The following GALNTL6 variants were observed in gnomAD, a reference collection of about 807,000 sequenced individuals.
The protein encoded by GALNTL6 is polypeptide N-acetylgalactosaminyltransferase like 6.
Under a neutral mutation model 73.7 loss-of-function variants are expected in GALNTL6, and 46 were observed. The ratio of observed to expected loss-of-function variants is 0.62; its 90% CI spans 0.49 to 0.80. GALNTL6 has a LOEUF of 0.80. GALNTL6 is among the 30% of genes least tolerant of loss of function. GALNTL6 has a pLI of 0.00. For missense variants in GALNTL6, 604 were observed against 755.0 expected (o/e 0.80, Z 2.34); for synonymous variants, 259 against 263.7 (o/e 0.98, Z 0.17).
intron 8 of GALNTL6, among the ~76,000 whole-genome samples, chr4:172,918,044 A>T (rs1023436382): frequency 6.6e-6 from 1 of 152,228 alleles, no homozygotes; most frequent in African/African-American, 2.4e-5. Context: ...TGTGGCACAT[A>T]TACACCATGG....
chr4:172,624,142 A>T (rs188116074), intron 5 of GALNTL6, among the ~76,000 whole-genome samples: 11 of 152,194 alleles, frequency 7.2e-5, no homozygotes, highest in Admixed American at 3.3e-4. Context: ...ACTTTTTCTT[A>T]CAAGAACATA....
rs537255466 is a variant in GALNTL6, at chr4:172,971,220, C to A, written c.1371+18962C>A. 5.9e-5 allele frequency among the ~76,000 whole-genome samples: 9 copies of A among 152,342 alleles called. No individual in the cohort carries two copies. In the South Asian group the frequency reaches 1.9e-3, roughly 32 times the overall value. ...TGCAGCCCCTCAATCTTGGACTTCC[C>A]AGTCTCCAGAACCATGAGCCAAATA... On this transcript the variant is annotated intron_variant, in intron 10 of 12. Transcript: ENST00000506823.
At chr4:172,416,341 A>G (rs1646487876) in intron 5 of GALNTL6, among the ~76,000 whole-genome samples, 1 of 152,206 alleles carries the variant, frequency 6.6e-6, no homozygotes, top group Admixed American at 6.5e-5. Flanking sequence ...TAACTTTTCA[A>G]AGAATTCCGG....
At chr4:172,114,702 C>T (rs907876664) in intron 2 of GALNTL6, among the ~76,000 whole-genome samples, 2 of 152,080 alleles carry the variant, frequency 1.3e-5, no homozygotes, top group Admixed American at 1.3e-4. Context: ...AATGAATGCT[C>T]AGATAATTTC....
intron 8 of GALNTL6, among the ~76,000 whole-genome samples, chr4:172,883,888 T>A (rs1313273924): frequency 6.6e-6 from 1 of 152,016 alleles, no homozygotes; most frequent in Non-Finnish European, 1.5e-5. Context: ...GGACATGGGA[T>A]GTTTTTCTAT....
At chr4:172,883,621 A>C (rs1364425553) in intron 8 of GALNTL6, among the ~76,000 whole-genome samples, 1 of 152,186 alleles carries the variant, frequency 6.6e-6, no homozygotes, top group East Asian at 1.9e-4. Context: ...AACACCTCCC[A>C]CCAGGCCTCA....
In GALNTL6 at chr4:172,533,363, C is replaced by T. The variant is rs547827725; in HGVS notation, c.553+184674C>T. ...TTTTTGAGATGGAGTCTCGCTCTGT[C>T]GCCCAGGCTGGAGTGCAGTGGTGTG... On this transcript the variant is annotated intron_variant, in intron 5 of 12. Coordinates refer to ENST00000506823, the MANE Select transcript of GALNTL6 (RefSeq NM_001034845.3). Among the ~76,000 whole-genome samples, 91 of 108,604 alleles carry T rather than the reference C, an allele frequency of 8.4e-4. 1 individual carries two copies. Among genetic ancestry groups the T allele is most frequent in the African/African-American group, 3.1e-3 (85 of 27,584 alleles). The allele number at this position is 108,604 out of a possible 152,430, so 71.2% of individuals were successfully genotyped here.
At chr4:172,099,134 C>T (rs894329803) in intron 2 of GALNTL6, among the ~76,000 whole-genome samples, 5 of 152,162 alleles carry the variant, frequency 3.3e-5, no homozygotes, top group African/African-American at 9.6e-5. Context: ...AAAAATGCTG[C>T]TTCAAACACT....
intron 5 of GALNTL6, among the ~76,000 whole-genome samples, chr4:172,564,647 C>A (rs1736493032): frequency 6.6e-6 from 1 of 152,080 alleles, no homozygotes; most frequent in Non-Finnish European, 1.5e-5. Flanking sequence ...TAAAGAGAAA[C>A]CAGCTCAATT....
intron 2 of GALNTL6, among the ~76,000 whole-genome samples, chr4:172,123,500 ATTT>A (rs67067629): frequency 1.7e-5 from 2 of 115,414 alleles, no homozygotes; most frequent in Non-Finnish European, 1.7e-5. Flanking sequence ...AAAAGTCATA[ATTT>A]TTTTTTTTTT....
chr4:172,014,708 C>A (rs548346472), intron 2 of GALNTL6, among the ~76,000 whole-genome samples: 2 of 152,122 alleles, frequency 1.3e-5, no homozygotes, highest in African/African-American at 4.8e-5. Context: ...TTCCTCTTAG[C>A]ACTGCTTTTG....
intron 4 of GALNTL6, among the ~76,000 whole-genome samples, chr4:172,343,698 T>C (rs1741647273): frequency 6.6e-6 from 1 of 152,164 alleles, no homozygotes; most frequent in Admixed American, 6.5e-5. Flanking sequence ...GTATTCTGTT[T>C]TGGAAAAACA....
At chr4:172,739,418 G>A (rs945018945) in intron 5 of GALNTL6, among the ~76,000 whole-genome samples, 3 of 152,144 alleles carry the variant, frequency 2.0e-5, no homozygotes, top group African/African-American at 7.2e-5. Context: ...GGAAGATAGG[G>A]AGAAAAGCTG....
At chr4:172,662,612 G>A (rs190113925) in intron 5 of GALNTL6, among the ~76,000 whole-genome samples, 31 of 152,282 alleles carry the variant, frequency 2.0e-4, no homozygotes, top group Non-Finnish European at 4.0e-4. Flanking sequence ...ATAGGGTGGT[G>A]ATTTGCTCCT....
At chr4:172,404,790 A>T (rs180953747) in intron 5 of GALNTL6, among the ~76,000 whole-genome samples, 223 of 152,214 alleles carry the variant, frequency 1.5e-3, no homozygotes, top group African/African-American at 5.1e-3. Context: ...AAGTGTAATT[A>T]TATTGCTTCA....
At chr4:172,767,910 C>T (rs6813371) in intron 5 of GALNTL6, among the ~76,000 whole-genome samples, 72,898 of 151,804 alleles carry the variant, frequency 0.48, 18,335 homozygotes, top group African/African-American at 0.63. Context: ...CCTCATGATC[C>T]GCCGGTGTCA....
At chr4:172,290,287 G>A (rs1295986193) in intron 3 of GALNTL6, among the ~76,000 whole-genome samples, 4 of 152,078 alleles carry the variant, frequency 2.6e-5, no homozygotes, top group African/African-American at 7.2e-5. Flanking sequence ...CTTTAGCTCA[G>A]TATGAGACCG....
intron 7 of GALNTL6, among the ~76,000 whole-genome samples, chr4:172,821,788 T>C (rs1382023247): frequency 6.6e-6 from 1 of 152,204 alleles, no homozygotes; most frequent in Non-Finnish European, 1.5e-5. Context: ...ATAAGATCAA[T>C]CTCCTTTGAA....
intron 2 of GALNTL6, among the ~76,000 whole-genome samples, chr4:171,879,143 C>A (rs776783412): frequency 2.0e-5 from 3 of 152,148 alleles, no homozygotes; most frequent in Non-Finnish European, 4.4e-5. Flanking sequence ...ATGTGATTAA[C>A]AAATTTAATT....
Sources: gnomAD v4.1 joint callset for allele counts (sites outside exome capture counted in the v4.1 genomes callset) on GRCh38, gnomAD v4.1.1 for gene constraint, MANE v1.5 for transcripts, NCBI Gene and HGNC (gene_info 2026-07-23, HGNC 2026-07-21) for gene names.